Variants in INTS10 observed in about 807,000 individuals in gnomAD.
INTS10 encodes the protein chromosome 8 open reading frame 35.
In INTS10, 44 loss-of-function variants were observed where a neutral mutation model predicts 94.4. The ratio of observed to expected loss-of-function variants is 0.47; its 90% CI spans 0.37 to 0.60. The LOEUF (loss-of-function observed/expected upper bound fraction) is 0.60, where lower values mean the gene tolerates loss of function less well. Ranked by LOEUF, INTS10 falls within the 20% of genes least tolerant of loss-of-function variation. The probability of loss-of-function intolerance (pLI) is 0.00; values close to 1 mark genes in which losing one functional copy is unlikely to be tolerated. For synonymous variants in INTS10, 341 were observed against 320.7 expected, an observed-to-expected ratio of 1.06 and a Z score of -0.68; for missense variants, 797 against 868.7, an observed-to-expected ratio of 0.92 and a Z score of 1.04.
chr8:19,826,076 A>T (rs1017367276), intron 8 of INTS10, among the ~76,000 whole-genome samples: 12 of 151,908 alleles, frequency 7.9e-5, no homozygotes, highest in African/African-American at 2.4e-4. Context: ...CTGCATTTTT[A>T]AATTTTTTTT....
chr8:19,833,275 C>T lies in INTS10; in HGVS notation c.1484C>T (p.Ala495Val), dbSNP rs753990136. ...TGQGTLEHQR[A>V]LIQLATCHFA... ...CAGGGGACCCTGGAGCATCAGAGGGCGCTCATCCAGCTGGCGACGTGCCAC... is the reference window on the plus strand; with the variant it reads ...CAGGGGACCCTGGAGCATCAGAGGGTGCTCATCCAGCTGGCGACGTGCCAC... Residue 495 changes from alanine to valine, a missense_variant, in exon 12 of 17, where the codon GCG (alanine) becomes GTG (valine). Ala to Val is a moderately conservative substitution (Grantham distance 64). This residue lies in a region of INTS10 where 734 missense variants were observed against 787.8 expected (regional missense o/e 0.93). Coordinates refer to ENST00000397977, the MANE Select transcript of INTS10 (RefSeq NM_018142.4). The T allele has an allele frequency of 1.7e-5, 28 of 1,612,902 alleles. No individual in the cohort carries two copies. Among genetic ancestry groups the T allele is most frequent in the African/African-American group, 2.7e-5 (2 of 74,796 alleles).
At position 19,824,804 on chromosome 8, in the gene INTS10, A is replaced by C; in HGVS notation, c.838A>C (p.Ser280Arg). Residue 280 changes from serine to arginine, a missense_variant and splice_region_variant, in exon 8 of 17, where the codon AGC becomes CGC. Ser to Arg is a moderately radical substitution (Grantham distance 110). Coordinates refer to ENST00000397977, the MANE Select transcript of INTS10 (RefSeq NM_018142.4). Reference sequence around the variant, plus strand: ...GTTTCATCATTCCTTCCTTTTTAGAAGCTATGGAGATATTTTGCATAGAAT... The same window carrying C: ...GTTTCATCATTCCTTCCTTTTTAGACGCTATGGAGATATTTTGCATAGAAT... The part of the protein sequence containing the change: ...CEWQMDKGRR[S>R]YGDILHRMKD... 1.9e-6 allele frequency: 3 copies of C among 1,597,740 alleles called. No individual in the cohort carries two copies. Among genetic ancestry groups the C allele is most frequent in the Non-Finnish European group, 2.6e-6 (3 of 1,170,750 alleles).
Position 19,837,149 on chromosome 8 carries a change from A to G in INTS10, c.1628A>G (p.Lys543Arg). The G allele has an allele frequency of 6.2e-7, 1 of 1,602,020 alleles. No homozygotes were observed. Among genetic ancestry groups the G allele is most frequent in the East Asian group, 2.2e-5 (1 of 44,828 alleles). ...SQEEPSKVKPKFRKGSDLKLL... is the reference protein window; with the variant it reads ...SQEEPSKVKPRFRKGSDLKLL... ...GAGGAACCCTCGAAAGTAAAGCCCA[A>G]ATTTAGAAAAGGTACAGTGACATGT... Residue 543 changes from lysine (K) to arginine (R), a missense_variant, in exon 13 of 17, where the codon AAA (lysine) becomes AGA (arginine). This residue lies in a region of INTS10 where 734 missense variants were observed against 787.8 expected (regional missense o/e 0.93). Coordinates refer to ENST00000397977, the MANE Select transcript of INTS10 (RefSeq NM_018142.4).
chr8:19,825,173 A>G (rs1046812464), intron 8 of INTS10, among the ~76,000 whole-genome samples: 2 of 152,210 alleles, frequency 1.3e-5, no homozygotes, highest in Non-Finnish European at 2.9e-5. Flanking sequence ...AAAAGTTTCT[A>G]TATCAAAGGG....
Position 19,819,647 on chromosome 8 carries a change from C to G in INTS10, c.272C>G (p.Ser91Ter). Residue 91 changes from serine (S) to a stop codon, truncating the protein, a stop_gained, in exon 3 of 17, where the codon TCA becomes TGA. Transcript: ENST00000397977. LOFTEE classifies it high-confidence loss of function. ...ATTACATCAGCATTAAGGAACGATTCACAGGACAAACAAACCCAATTTTTA... is the reference window on the plus strand; with the variant it reads ...ATTACATCAGCATTAAGGAACGATTGACAGGACAAACAAACCCAATTTTTA... ...SIITSALRND[S>*]QDKQTQFLRS... 6.2e-7 allele frequency: 1 copy of G among 1,613,248 alleles called. No individual in the cohort carries two copies. Among genetic ancestry groups the G allele is most frequent in the Non-Finnish European group, 8.5e-7 (1 of 1,179,454 alleles).
chr8:19,845,233 C>T (rs1002376078), intron 15 of INTS10, among the ~76,000 whole-genome samples: 1 of 152,080 alleles, frequency 6.6e-6, no homozygotes, highest in Non-Finnish European at 1.5e-5. Flanking sequence ...ACCCTTGCAC[C>T]CCAGTTATGA....
intron 12 of INTS10, 100 bp downstream of exon 12, chr8:19,833,421 A>T: frequency 1.3e-6 from 1 of 793,124 alleles, no homozygotes; most frequent in Non-Finnish European, 1.8e-6. Context: ...CGTTTATTTC[A>T]ATTTGATCTT....
chr8:19,851,815 T>C lies in INTS10; in HGVS notation c.*10T>C. 3.7e-6 allele frequency: 6 copies of C among 1,613,150 alleles called. No homozygotes were observed. The highest frequency in any genetic ancestry group is 5.1e-6 in the Non-Finnish European group (6 of 1,179,178). On this transcript the variant is annotated 3_prime_UTR_variant, in exon 17 of 17. Coordinates refer to ENST00000397977, the MANE Select transcript of INTS10 (RefSeq NM_018142.4). The surrounding 1 kb of genome is among the most constrained non-coding windows in gnomAD (Gnocchi z 5.0). ...TCAGACTCTGACCTGAGTGGAGACC[T>C]TTCCACCAGACACAGCTCGGGCCTG...
At chr8:19,845,827 C>T in intron 16 of INTS10, 30 bp downstream of exon 16, 1 of 1,445,690 alleles carries the variant, frequency 6.9e-7, no homozygotes, top group South Asian at 1.1e-5. Context: ...CTCTTCCATG[C>T]TGAGTGCTCA....
chr8:19,823,490 T>G, intron 6 of INTS10, 49 bp downstream of exon 6: 1 of 1,311,086 alleles, frequency 7.6e-7, no homozygotes, highest in South Asian at 1.2e-5. Flanking sequence ...TTAGTAATAT[T>G]GCAAAATTCA....
At chr8:19,831,994 T>C (rs1401169023) in intron 10 of INTS10, 34 bp from the exon 11 acceptor site, 2 of 1,227,582 alleles carry the variant, frequency 1.6e-6, no homozygotes, top group Non-Finnish European at 1.2e-6. Flanking sequence ...TTGCTGCATA[T>C]ATTTGGTAAA....
intron 1 of INTS10, 105 bp downstream of exon 1, chr8:19,817,771 C>T (rs751963708): frequency 1.8e-4 from 255 of 1,418,444 alleles, no homozygotes; most frequent in Admixed American, 3.3e-4. Context: ...CTGCCGCCTC[C>T]TGCCCGGCCC....
chr8:19,833,427 A>G (rs2067402095), intron 12 of INTS10, 106 bp downstream of exon 12: 2 of 756,344 alleles, frequency 2.6e-6, no homozygotes. Flanking sequence ...TTTCAATTTG[A>G]TCTTTCTGCC....
intron 12 of INTS10, 82 bp from the exon 13 acceptor site, chr8:19,836,962 CTGATTGTA>C: frequency 1.2e-6 from 1 of 813,142 alleles, no homozygotes; most frequent in Non-Finnish European, 2.2e-6. Flanking sequence ...TACACATTGC[CTGATTGTA>C]TGCTGCAAAT....
chr8:19,832,039 A>T lies in INTS10; in HGVS notation c.1306A>T (p.Ile436Phe), dbSNP rs771594267. ...GAATTCTTACTCAGAATTTACAAGG[A>T]TTTGCTTGGCCTGGAAGACGGATAC... ...LEFLDKEFTR[I>F]CLAWKTDTWL... Residue 436 changes from isoleucine (I) to phenylalanine (F), a missense_variant, in exon 11 of 17, where the codon ATT (isoleucine) becomes TTT (phenylalanine). Transcript: ENST00000397977. 1 of 1,600,286 alleles carries T rather than the reference A, an allele frequency of 6.2e-7. No individual in the cohort carries two copies. Among genetic ancestry groups the T allele is most frequent in the Non-Finnish European group, 8.6e-7 (1 of 1,167,434 alleles).
chr8:19,836,371 G>C (rs1176985953), intron 12 of INTS10, among the ~76,000 whole-genome samples: 2 of 152,144 alleles, frequency 1.3e-5, no homozygotes, highest in Non-Finnish European at 2.9e-5. Context: ...AGACTGTCTG[G>C]ATCAAGGGCA....
chr8:19,825,259 G>A (rs2066704991), intron 8 of INTS10, among the ~76,000 whole-genome samples: 1 of 152,216 alleles, frequency 6.6e-6, no homozygotes, highest in Non-Finnish European at 1.5e-5. Flanking sequence ...GGGCGCTGTG[G>A]CTCACACCTG....
Position 19,851,303 on chromosome 8 carries a change from G to A in INTS10, c.1977-346G>A, listed in dbSNP as rs897839079. On this transcript the variant is annotated intron_variant, in intron 16 of 16. Transcript: ENST00000397977. The surrounding 1 kb of genome is among the most constrained non-coding windows in gnomAD (Gnocchi z 5.0). ...GAGCTCTTTGTAGCCAGTGTGGACT[G>A]GACCCATTTGGCCCTAAGTAACTGA... is the stretch of plus-strand genomic sequence containing the variant. 1.3e-5 allele frequency among the ~76,000 whole-genome samples: 2 copies of A among 152,170 alleles called. No homozygotes were observed. Among genetic ancestry groups the A allele is most frequent in the African/African-American group, 4.8e-5 (2 of 41,424 alleles).
chr8:19,844,077 T>C lies in INTS10; in HGVS notation c.1721T>C (p.Leu574Pro). Residue 574 changes from leucine to proline, a missense_variant and splice_region_variant, in exon 15 of 17, where the codon CTT becomes CCT. By Grantham distance (98) the Leu-to-Pro change is moderately conservative. Transcript: ENST00000397977. ...CTTGTATAAATCTTTGTCTTGCAGCTTAGAGCTTTCACAGACAACAGAGAC... is the reference window on the plus strand; with the variant it reads ...CTTGTATAAATCTTTGTCTTGCAGCCTAGAGCTTTCACAGACAACAGAGAC... ...CLHLMLACFK[L>P]RAFTDNRDDM... The C allele has an allele frequency of 1.3e-6, 2 of 1,594,732 alleles. No individual in the cohort carries two copies. The highest frequency in any genetic ancestry group is 1.7e-6 in the Non-Finnish European group (2 of 1,170,486).
Sources: gnomAD v4.1 joint callset for allele counts (sites outside exome capture counted in the v4.1 genomes callset) on GRCh38, gnomAD v4.1.1 for gene constraint, gnomAD v4.1.1 regional missense constraint, Gnocchi (gnomAD v3.1) non-coding constraint, MANE v1.5 for transcripts, NCBI Gene and HGNC (gene_info 2026-07-23, HGNC 2026-07-21) for gene names.